The following ZNF600 variants were observed in gnomAD, a reference collection of about 807,000 sequenced individuals.
ZNF600 encodes the protein zinc finger protein KR-ZNF1.
In ZNF600, 4 loss-of-function variants were observed where a neutral mutation model predicts 7.3. The observed-to-expected ratio is 0.55, with a 90% CI of 0.27 to 1.25. The LOEUF (loss-of-function observed/expected upper bound fraction) is 1.25. ZNF600 is among the 50% of genes most tolerant of loss of function. ZNF600 has a pLI of 0.12. For missense variants in ZNF600, 911 were observed against 922.1 expected (o/e 0.99, Z 0.16); for synonymous variants, 290 against 308.9 (o/e 0.94, Z 0.64).
chr19:52,810,839 G>GATA, the ZNF600 span: 1 of 148,258 alleles, frequency 6.7e-6, no homozygotes, highest in African/African-American at 6.3e-5. Flanking sequence ...TAAAAAAAGA[G>GATA]TCCCTCTCCC....
At chr19:52,831,305 T>C in the ZNF600 span, among the ~76,000 whole-genome samples, 2 of 151,634 alleles carry the variant, frequency 1.3e-5, no homozygotes, top group Admixed American at 6.6e-5. Context: ...TAATGACAGG[T>C]TTTTTCTGTT....
chr19:52,770,426 G>T (rs1478953789), intron 3 of ZNF600, among the ~76,000 whole-genome samples: 1 of 152,086 alleles, frequency 6.6e-6, no homozygotes, highest in African/African-American at 2.4e-5. Context: ...TGGTTGACAG[G>T]GCTAGACTCC....
chr19:52,792,427 A>G, the ZNF600 span, among the ~76,000 whole-genome samples: 1 of 152,126 alleles, frequency 6.6e-6, no homozygotes, highest in Admixed American at 6.5e-5. Context: ...GGCTAATCAG[A>G]AACTCAAAAG....
the ZNF600 span, among the ~76,000 whole-genome samples, chr19:52,807,607 T>TG: frequency 6.6e-6 from 1 of 152,190 alleles, no homozygotes; most frequent in Non-Finnish European, 1.5e-5. Flanking sequence ...CTCTAGGAGC[T>TG]GGGATTACAC....
the ZNF600 span, among the ~76,000 whole-genome samples, chr19:52,806,219 A>C: frequency 6.6e-6 from 1 of 151,860 alleles, no homozygotes; most frequent in Admixed American, 6.6e-5. Flanking sequence ...TTTGAAACAG[A>C]GTTTCACTCT....
intron 2 of ZNF600, 79 bp downstream of exon 4, chr19:52,778,747 A>C: frequency 6.6e-7 from 1 of 1,521,958 alleles, no homozygotes; most frequent in Non-Finnish European, 8.8e-7. Context: ...CTTCAAACTC[A>C]GAAAAGACTG....
chr19:52,816,391 G>A, the ZNF600 span, among the ~76,000 whole-genome samples: 1 of 146,090 alleles, frequency 6.8e-6, no homozygotes, highest in African/African-American at 2.7e-5. Context: ...CAAGCCGGGC[G>A]CGGTGGCTCA....
At chr19:52,788,342 A>G (rs2062782136), upstream of ZNF600, among the ~76,000 whole-genome samples, 3 of 152,168 alleles carry the variant, frequency 2.0e-5, no homozygotes, top group Admixed American at 2.0e-4. Flanking sequence ...CCACCTGAGG[A>G]AGAGCCATCC....
the ZNF600 span, among the ~76,000 whole-genome samples, chr19:52,828,418 G>A: frequency 6.6e-6 from 1 of 152,090 alleles, no homozygotes; most frequent in Non-Finnish European, 1.5e-5. Flanking sequence ...GCTGAGCCGA[G>A]ATCATGCAAT....
exon 4 of ZNF600, chr19:52,765,129 T>G: frequency 2.5e-6 from 1 of 403,740 alleles, no homozygotes; most frequent in Non-Finnish European, 5.0e-6. Flanking sequence ...CTGACTCTAG[T>G]GTCAATTAAT....
the ZNF600 span, among the ~76,000 whole-genome samples, chr19:52,814,759 C>T: frequency 6.9e-5 from 10 of 145,824 alleles, 1 homozygote; most frequent in Non-Finnish European, 1.3e-4. Flanking sequence ...TGGTGGCACT[C>T]GCTTGTATTC....
upstream of ZNF600, among the ~76,000 whole-genome samples, chr19:52,790,682 CTTTTTTTTTT>C (rs71183835): frequency 1.0e-5 from 1 of 98,566 alleles, no homozygotes; most frequent in African/African-American, 4.3e-5. Context: ...TCTCTCTCTC[CTTTTTTTTTT>C]TTTTTTTTTT....
chr19:52,775,424 C>T (rs1284735250), intron 2 of ZNF600, among the ~76,000 whole-genome samples: 7 of 151,716 alleles, frequency 4.6e-5, no homozygotes, highest in Admixed American at 3.9e-4. Flanking sequence ...GTGGTGCAGG[C>T]CTGTACTCCC....
the ZNF600 span, among the ~76,000 whole-genome samples, chr19:52,822,740 G>A: frequency 1.3e-5 from 2 of 152,276 alleles, no homozygotes; most frequent in Admixed American, 1.3e-4. Flanking sequence ...AGAGAGAGGG[G>A]AATTACTTTA....
At chr19:52,787,892 AAT>A (rs2062779291), upstream of ZNF600, among the ~76,000 whole-genome samples, 1 of 147,890 alleles carries the variant, frequency 6.8e-6, no homozygotes, top group Non-Finnish European at 1.5e-5. Context: ...AAGAAAAAGA[AAT>A]ATCTCCCCTA....
the ZNF600 span, among the ~76,000 whole-genome samples, chr19:52,816,339 T>C: frequency 6.8e-6 from 1 of 146,362 alleles, no homozygotes; most frequent in Non-Finnish European, 1.5e-5. Flanking sequence ...GCCAACATGG[T>C]GAAACCCTGT....
chr19:52,800,457 G>A, the ZNF600 span: 158 of 1,613,006 alleles, frequency 9.8e-5, 2 homozygotes, highest in South Asian at 1.7e-3. Context: ...TGGTTTCTCT[G>A]CAGTATGAAG....
At chr19:52,800,528 G>A in the ZNF600 span, 1,285 of 1,613,672 alleles carry the variant, frequency 8.0e-4, 13 homozygotes, top group African/African-American at 0.015. Flanking sequence ...CATTACACTT[G>A]TAAGGCTTCT....
chr19:52,781,630 A>G (rs1456145431), intron 1 of ZNF600, among the ~76,000 whole-genome samples, 166 bp from the exon 2 acceptor site: 2 of 152,060 alleles, frequency 1.3e-5, no homozygotes, highest in Non-Finnish European at 2.9e-5. Flanking sequence ...GCCAGGCATC[A>G]TGGCATGCAT....
Sources: gnomAD v4.1 joint callset for allele counts (sites outside exome capture counted in the v4.1 genomes callset) on GRCh38, gnomAD v4.1.1 for gene constraint, MANE v1.5 for transcripts, NCBI Gene and HGNC (gene_info 2026-07-23, HGNC 2026-07-21) for gene names.